Variants in MARCHF1 observed in about 807,000 individuals in gnomAD.
MARCHF1 encodes E3 ubiquitin-protein ligase MARCHF1.
Under a neutral mutation model 54.2 loss-of-function variants are expected in MARCHF1, and 40 were observed. The observed-to-expected ratio is 0.74, with a 90% CI of 0.57 to 0.96. MARCHF1 has a LOEUF of 0.96. Among genes scored for constraint, MARCHF1 ranks in the 40% least tolerant of loss-of-function variants. The probability of loss-of-function intolerance (pLI) is 0.00; values close to 1 mark genes in which losing one functional copy is unlikely to be tolerated. For missense variants in MARCHF1, 586 were observed against 656.5 expected, an observed-to-expected ratio of 0.89 and a Z score of 1.17; for synonymous variants, 236 against 236.3, an observed-to-expected ratio of 1.00 and a Z score of 0.01.
chr4:164,328,257 C>T (rs1477401418), intron 1 of MARCHF1, among the ~76,000 whole-genome samples: 1 of 152,122 alleles, frequency 6.6e-6, no homozygotes, highest in African/African-American at 2.4e-5. Flanking sequence ...AAAACATTAA[C>T]ATGGCAAATA....
intron 2 of MARCHF1, among the ~76,000 whole-genome samples, chr4:164,028,898 G>A (rs1243114354): frequency 6.6e-6 from 1 of 152,048 alleles, no homozygotes; most frequent in Non-Finnish European, 1.5e-5. Flanking sequence ...AGCAGGTTGT[G>A]GTCATATAGA....
intron 4 of MARCHF1, among the ~76,000 whole-genome samples, chr4:163,717,667 T>G (rs1323962645): frequency 3.3e-5 from 5 of 152,212 alleles, no homozygotes; most frequent in Non-Finnish European, 2.9e-5. Flanking sequence ...TGTTGTTTCC[T>G]GACTTTTTAA....
At chr4:164,288,713 A>C (rs1025498257) in intron 1 of MARCHF1, among the ~76,000 whole-genome samples, 7 of 152,088 alleles carry the variant, frequency 4.6e-5, no homozygotes, top group Non-Finnish European at 8.8e-5. Flanking sequence ...TATTATGTAA[A>C]TGCCAGCCAA....
intron 1 of MARCHF1, among the ~76,000 whole-genome samples, chr4:164,358,051 C>A (rs1348725326): frequency 6.6e-6 from 1 of 152,064 alleles, no homozygotes; most frequent in African/African-American, 2.4e-5. Flanking sequence ...CTAATAAATA[C>A]AAGATGAATC....
chr4:163,801,354 T>G lies in MARCHF1; in HGVS notation c.111+52667A>C, dbSNP rs4691936. 5.4e-3 allele frequency among the ~76,000 whole-genome samples: 821 copies of G among 152,114 alleles called. 2 individuals carry two copies. Among genetic ancestry groups the G allele is most frequent in the Non-Finnish European group, 7.0e-3 (478 of 67,928 alleles). On this transcript the variant is annotated intron_variant, in intron 4 of 9. Coordinates refer to ENST00000514618, the MANE Select transcript of MARCHF1 (RefSeq NM_001394959.1). The stretch of plus-strand genomic sequence containing the variant: ...AATCATCCAAATGCCAAGAACAGAA[T>G]GTAATACTTTATGCACCAGTTCTTG...
intron 2 of MARCHF1, among the ~76,000 whole-genome samples, chr4:164,028,124 G>T (rs1166341247): frequency 6.6e-6 from 1 of 152,186 alleles, no homozygotes; most frequent in African/African-American, 2.4e-5. Flanking sequence ...GTGTTGGTGG[G>T]AATGTCCATT....
At chr4:163,739,438 C>T (rs1298972238) in intron 4 of MARCHF1, among the ~76,000 whole-genome samples, 1 of 152,140 alleles carries the variant, frequency 6.6e-6, no homozygotes, top group Non-Finnish European at 1.5e-5. Context: ...GACATCCCCG[C>T]TTTTGACATT....
chr4:164,351,624 T>A (rs1279151563), intron 1 of MARCHF1, among the ~76,000 whole-genome samples: 2 of 151,964 alleles, frequency 1.3e-5, no homozygotes, highest in African/African-American at 4.8e-5. Context: ...ATCACCATCA[T>A]CAAGACCAAA....
At chr4:164,309,678 C>T (rs1353898958) in intron 1 of MARCHF1, among the ~76,000 whole-genome samples, 1 of 152,050 alleles carries the variant, frequency 6.6e-6, no homozygotes, top group Non-Finnish European at 1.5e-5. Context: ...TATCACAGTT[C>T]AAGAACATAG....
chr4:164,179,819 C>T (rs1730786359), intron 1 of MARCHF1, among the ~76,000 whole-genome samples: 1 of 151,138 alleles, frequency 6.6e-6, no homozygotes, highest in Non-Finnish European at 1.5e-5. Context: ...TGATCTATAA[C>T]CTACAGTAAT....
Position 164,014,147 on chromosome 4 carries a change from G to A in MARCHF1, c.-247-25438C>T, listed in dbSNP as rs1038863472. Among the ~76,000 whole-genome samples, 8 of 147,870 alleles carry A rather than the reference G, an allele frequency of 5.4e-5. No individual in the cohort carries two copies. The East Asian group carries it at 5.9e-4, about 11-fold the overall frequency. ...GCAGAGGTTGCAGTGACCCGAGATC[G>A]CATCACTGCACTCCAGCCTGGAGAC... On this transcript the variant is annotated intron_variant, in intron 2 of 9. Coordinates refer to ENST00000514618, the MANE Select transcript of MARCHF1 (RefSeq NM_001394959.1).
At chr4:164,173,206 A>G (rs1232963281) in intron 1 of MARCHF1, among the ~76,000 whole-genome samples, 1 of 152,204 alleles carries the variant, frequency 6.6e-6, no homozygotes, top group East Asian at 1.9e-4. Flanking sequence ...CCGGAAAATA[A>G]TTTATTCTTG....
At chr4:163,994,552 TA>T (rs1753030186) in intron 2 of MARCHF1, among the ~76,000 whole-genome samples, 1 of 151,868 alleles carries the variant, frequency 6.6e-6, no homozygotes, top group Admixed American at 6.6e-5. Context: ...ACATGCACCC[TA>T]AAACTTAAAG....
At chr4:163,844,103 T>C (rs945365527) in intron 4 of MARCHF1, among the ~76,000 whole-genome samples, 2 of 152,040 alleles carry the variant, frequency 1.3e-5, no homozygotes, top group Non-Finnish European at 2.9e-5. Flanking sequence ...GTACCCATCA[T>C]TTTTCCTGAT....
chr4:163,908,785 C>CA (rs1364538661), intron 3 of MARCHF1, among the ~76,000 whole-genome samples: 1 of 152,040 alleles, frequency 6.6e-6, no homozygotes, highest in African/African-American at 2.4e-5. Context: ...CACCACGACA[C>CA]AAAATATTAC....
At chr4:164,354,599 T>C (rs1477301887) in intron 1 of MARCHF1, among the ~76,000 whole-genome samples, 3 of 144,952 alleles carry the variant, frequency 2.1e-5, no homozygotes, top group Non-Finnish European at 4.5e-5. Context: ...AATTAGGTAT[T>C]GATGGGACGT....
At chr4:163,761,287 T>C (rs1313715840) in intron 4 of MARCHF1, among the ~76,000 whole-genome samples, 1 of 152,334 alleles carries the variant, frequency 6.6e-6, no homozygotes, top group East Asian at 1.9e-4. Flanking sequence ...CAAGCTTTGC[T>C]AGAGCTTAAA....
chr4:164,205,503 T>C (rs1159454631), intron 1 of MARCHF1, among the ~76,000 whole-genome samples: 1 of 152,218 alleles, frequency 6.6e-6, no homozygotes, highest in Non-Finnish European at 1.5e-5. Context: ...GGCATGTCCA[T>C]CATCCTCAAT....
intron 1 of MARCHF1, among the ~76,000 whole-genome samples, chr4:164,302,227 C>G (rs1474815559): frequency 6.6e-6 from 1 of 152,108 alleles, no homozygotes; most frequent in African/African-American, 2.4e-5. Context: ...AAGAGCTTAT[C>G]AAAGACACTC....
Sources: gnomAD v4.1 joint callset for allele counts (sites outside exome capture counted in the v4.1 genomes callset) on GRCh38, gnomAD v4.1.1 for gene constraint, MANE v1.5 for transcripts, NCBI Gene and HGNC (gene_info 2026-07-23, HGNC 2026-07-21) for gene names.